The following ERC2 variants were observed in gnomAD, a reference collection of about 807,000 sequenced individuals.
ERC2 encodes the protein ELKS/RAB6-interacting/CAST family member 2, also known as ERC protein 2.
A neutral mutation model predicts 114.8 loss-of-function variants in ERC2; 42 were observed. That is an observed-to-expected ratio of 0.37 (90% CI 0.29 to 0.47). The LOEUF (loss-of-function observed/expected upper bound fraction) is 0.47. Among genes scored for constraint, ERC2 ranks in the 20% least tolerant of loss-of-function variants. ERC2 has a pLI of 0.99. For missense variants in ERC2, 939 were observed against 1,150.7 expected, an observed-to-expected ratio of 0.82 and a Z score of 2.66; for synonymous variants, 454 against 425.5, an observed-to-expected ratio of 1.07 and a Z score of -0.82.
intron 6 of ERC2, among the ~76,000 whole-genome samples, chr3:56,136,084 A>C (rs1243780738): frequency 6.6e-6 from 1 of 152,138 alleles, no homozygotes; most frequent in African/African-American, 2.4e-5. Flanking sequence ...CATTTGTACA[A>C]GTTCAAACAA....
At chr3:55,571,162 G>C (rs1302032425) in intron 17 of ERC2, among the ~76,000 whole-genome samples, 6 of 139,082 alleles carry the variant, frequency 4.3e-5, no homozygotes, top group Admixed American at 1.5e-4. Context: ...GTAATTCAAT[G>C]TCTTCTTCCC....
intron 1 of ERC2, among the ~76,000 whole-genome samples, chr3:56,455,793 C>G (rs1253371969): frequency 1.3e-5 from 2 of 152,180 alleles, no homozygotes; most frequent in Non-Finnish European, 2.9e-5. Flanking sequence ...AGAGCCAATT[C>G]TTTCCCATCT....
Position 55,734,397 on chromosome 3 carries a change from C to T in ERC2, c.2712+374G>A, listed in dbSNP as rs149006075. Reference sequence around the variant, plus strand: ...TACAGGGACCAGAAAATGAGCAAGACGGAAGGTAACAGGTCCAACAGGAAA... The same window carrying T: ...TACAGGGACCAGAAAATGAGCAAGATGGAAGGTAACAGGTCCAACAGGAAA... On this transcript the variant is annotated intron_variant, in intron 15 of 17. Coordinates refer to ENST00000288221, the MANE Select transcript of ERC2 (RefSeq NM_015576.3). 1.3e-3 allele frequency among the ~76,000 whole-genome samples: 204 copies of T among 152,152 alleles called. No individual in the cohort carries two copies. The Middle Eastern group carries it at 0.017, about 13-fold the overall frequency.
intron 14 of ERC2, among the ~76,000 whole-genome samples, chr3:55,880,811 A>AG (rs2063080100): frequency 6.6e-6 from 1 of 152,110 alleles, no homozygotes; most frequent in South Asian, 2.1e-4. Context: ...AAGAAAAAAA[A>AG]GAAATTCTTG....
intron 17 of ERC2, among the ~76,000 whole-genome samples, chr3:55,650,411 G>A (rs555658239): frequency 1.8e-4 from 28 of 152,198 alleles, no homozygotes; most frequent in Admixed American, 6.5e-4. Flanking sequence ...CTTCATGCTG[G>A]CTCCTTCTCA....
At chr3:56,350,402 C>T (rs2058506731) in intron 2 of ERC2, among the ~76,000 whole-genome samples, 1 of 152,152 alleles carries the variant, frequency 6.6e-6, no homozygotes, top group African/African-American at 2.4e-5. Context: ...TAGGCCATGC[C>T]TAAAGACTCC....
chr3:55,729,654 C>T (rs754907501), intron 15 of ERC2, among the ~76,000 whole-genome samples: 15 of 151,270 alleles, frequency 9.9e-5, no homozygotes, highest in Non-Finnish European at 1.5e-4. Context: ...CCTGACCTAG[C>T]GAGACCTTGT....
intron 3 of ERC2, among the ~76,000 whole-genome samples, chr3:56,239,398 C>A (rs1003523284): frequency 5.3e-5 from 8 of 152,130 alleles, no homozygotes; most frequent in Non-Finnish European, 8.8e-5. Flanking sequence ...CCCAGCTACT[C>A]TGGAGGCTAA....
At chr3:55,587,718 A>G (rs2057671113) in intron 17 of ERC2, among the ~76,000 whole-genome samples, 1 of 152,134 alleles carries the variant, frequency 6.6e-6, no homozygotes, top group African/African-American at 2.4e-5. Flanking sequence ...CGTGTAGAGT[A>G]TTTTCTGCCT....
chr3:56,286,696 ATACGTACT>A (rs1380722437), intron 3 of ERC2, among the ~76,000 whole-genome samples: 4 of 152,164 alleles, frequency 2.6e-5, no homozygotes. Flanking sequence ...AGGGTACTAT[ATACGTACT>A]TACGTAATCC....
chr3:55,926,729 C>T (rs1296598633), intron 13 of ERC2, among the ~76,000 whole-genome samples: 1 of 152,102 alleles, frequency 6.6e-6, no homozygotes, highest in East Asian at 1.9e-4. Flanking sequence ...CTGCCAGGTC[C>T]TCCAGCCAGG....
rs568246179 is a variant in ERC2, at chr3:55,604,511, A to ATGT, written c.*39+79282_*39+79283insACA. 3.0e-3 allele frequency among the ~76,000 whole-genome samples: 464 copies of ATGT among 152,240 alleles called. 3 individuals carry two copies. The highest frequency in any genetic ancestry group is 0.01 in the African/African-American group (430 of 41,542). On this transcript the variant is annotated intron_variant, in intron 17 of 17. Coordinates refer to ENST00000288221, the MANE Select transcript of ERC2 (RefSeq NM_015576.3). ...CTATGTTCCTGCTGACACTACACTCAGCAGGCATGTCTGAGGATGAGAAAG... is the reference window on the plus strand; with the variant it reads ...CTATGTTCCTGCTGACACTACACTCATGTGCAGGCATGTCTGAGGATGAGAAAG...
chr3:56,008,266 C>T (rs2072658275), intron 9 of ERC2, among the ~76,000 whole-genome samples: 1 of 152,098 alleles, frequency 6.6e-6, no homozygotes. Flanking sequence ...CTGGAATAAC[C>T]TTGATGATAA....
intron 14 of ERC2, among the ~76,000 whole-genome samples, chr3:55,754,901 G>T (rs905892644): frequency 1.3e-5 from 2 of 152,078 alleles, no homozygotes; most frequent in Non-Finnish European, 2.9e-5. Context: ...CAAAATAACT[G>T]TATTGTATTC....
intron 14 of ERC2, among the ~76,000 whole-genome samples, chr3:55,806,300 A>C (rs1164943951): frequency 6.7e-6 from 1 of 150,220 alleles, no homozygotes; most frequent in Non-Finnish European, 1.5e-5. Context: ...ATGCCACTGC[A>C]CTCCAGTCTG....
intron 7 of ERC2, among the ~76,000 whole-genome samples, chr3:56,032,943 GAA>G (rs1304855397): frequency 1.4e-4 from 11 of 79,122 alleles, no homozygotes; most frequent in African/African-American, 2.4e-4. Flanking sequence ...AAGAAAGAAA[GAA>G]AGAAAGAAAG....
chr3:55,808,098 G>C (rs2149117827), intron 14 of ERC2, among the ~76,000 whole-genome samples: 1 of 152,242 alleles, frequency 6.6e-6, no homozygotes, highest in Middle Eastern at 3.4e-3. Context: ...ATCTAAGTCT[G>C]GCTTCCTGAC....
chr3:56,175,112 T>TA (rs1275616050), intron 3 of ERC2, among the ~76,000 whole-genome samples: 4 of 152,210 alleles, frequency 2.6e-5, no homozygotes, highest in African/African-American at 9.6e-5. Context: ...CTGTTCTTAT[T>TA]ATATTTGCCA....
chr3:56,367,866 G>T (rs1251256647), intron 2 of ERC2, among the ~76,000 whole-genome samples: 1 of 146,786 alleles, frequency 6.8e-6, no homozygotes, highest in African/African-American at 2.5e-5. Context: ...GAGCCCAGGA[G>T]TTAAAAACAA....
Sources: gnomAD v4.1 joint callset for allele counts (sites outside exome capture counted in the v4.1 genomes callset) on GRCh38, gnomAD v4.1.1 for gene constraint, MANE v1.5 for transcripts, NCBI Gene and HGNC (gene_info 2026-07-23, HGNC 2026-07-21) for gene names.